The following ACTN1 variants were observed in gnomAD, a reference collection of about 807,000 sequenced individuals.
The protein encoded by ACTN1 is actinin alpha 1.
In ACTN1, 30 loss-of-function variants were observed where a neutral mutation model predicts 119.6. The ratio of observed to expected loss-of-function variants is 0.25; its 90% CI spans 0.19 to 0.34. The LOEUF is 0.34. ACTN1 is among the 10% of genes least tolerant of loss of function. ACTN1 has a pLI of 1.00. For missense variants in ACTN1, 764 were observed against 1,223.4 expected (o/e 0.62, Z 5.60); for synonymous variants, 429 against 472.6 (o/e 0.91, Z 1.20).
At chr14:68,883,330 G>C in intron 14 of ACTN1, 1 of 405,226 alleles carries the variant, frequency 2.5e-6, no homozygotes, top group Non-Finnish European at 4.5e-6. Context: ...GGCTGCTCCA[G>C]AGGCTCACTA....
rs910237386 is a variant in ACTN1, at chr14:68,884,980, T to C, written c.1386-97A>G. 5 of 1,041,640 alleles carry C rather than the reference T, an allele frequency of 4.8e-6. No individual in the cohort carries two copies. The African/African-American group carries it at 6.3e-5, about 13-fold the overall frequency. 64.5% of individuals were successfully genotyped at this position (1,041,640 alleles called of 1,614,324 possible). On this transcript the variant is annotated intron_variant, in intron 12 of 21. Coordinates refer to ENST00000394419, the MANE Select transcript of ACTN1 (RefSeq NM_001130004.2). ...CTGTCAGTGGGGTGGCTGGTGGTGCTGGGAAGAGCCAGGGGCGCTCCCTTC... is the reference window on the plus strand; with the variant it reads ...CTGTCAGTGGGGTGGCTGGTGGTGCCGGGAAGAGCCAGGGGCGCTCCCTTC...
At chr14:68,944,902 G>A (rs559498419) in intron 1 of ACTN1, among the ~76,000 whole-genome samples, 2 of 147,214 alleles carry the variant, frequency 1.4e-5, no homozygotes, top group African/African-American at 4.9e-5. Context: ...GCGTGTGTGG[G>A]TCAGGTAGCT....
At chr14:68,893,405 G>A (rs1442987930) in intron 9 of ACTN1, among the ~76,000 whole-genome samples, 1 of 152,080 alleles carries the variant, frequency 6.6e-6, no homozygotes, top group Non-Finnish European at 1.5e-5. Context: ...CTTGACAAGT[G>A]AAAAAAACAA....
intron 1 of ACTN1, among the ~76,000 whole-genome samples, chr14:68,954,300 CT>C (rs2036275122): frequency 3.3e-5 from 5 of 151,834 alleles, no homozygotes; most frequent in South Asian, 4.1e-4. Flanking sequence ...CCCAGTTTTG[CT>C]GTTACACACA....
At chr14:68,934,379 G>A (rs1669009727) in intron 1 of ACTN1, among the ~76,000 whole-genome samples, 1 of 152,262 alleles carries the variant, frequency 6.6e-6, no homozygotes, top group Non-Finnish European at 1.5e-5. Flanking sequence ...AGGGCCTGTG[G>A]TTAGACATGT....
chr14:68,902,718 G>A (rs558239212), intron 7 of ACTN1, among the ~76,000 whole-genome samples, 156 bp from the exon 8 acceptor site: 103 of 152,296 alleles, frequency 6.8e-4, no homozygotes, highest in South Asian at 1.7e-3. Flanking sequence ...GCGCTTATGG[G>A]AATGTAAGTA....
At chr14:68,940,298 A>G (rs970613922) in intron 1 of ACTN1, among the ~76,000 whole-genome samples, 12 of 152,072 alleles carry the variant, frequency 7.9e-5, no homozygotes, top group African/African-American at 2.9e-4. Flanking sequence ...GGGTCACTCA[A>G]TTCCATAGAG....
intron 8 of ACTN1, among the ~76,000 whole-genome samples, chr14:68,899,959 C>T (rs1051233718): frequency 3.5e-4 from 53 of 152,158 alleles, no homozygotes; most frequent in African/African-American, 1.2e-3. Flanking sequence ...GGCACAGGAA[C>T]AGCAGCAGGA....
At chr14:68,881,955 T>TTTTTTTTTTTTTTTTTTC (rs58500225) in intron 16 of ACTN1, among the ~76,000 whole-genome samples, 1 of 103,002 alleles carries the variant, frequency 9.7e-6, no homozygotes, top group Non-Finnish European at 1.8e-5. Flanking sequence ...TTTTTTTTTT[T>TTTTTTTTTTTTTTTTTTC]GACAGAGTCT....
chr14:68,892,395 T>A, intron 9 of ACTN1, 112 bp from the exon 10 acceptor site: 1 of 1,088,208 alleles, frequency 9.2e-7, no homozygotes, highest in Non-Finnish European at 1.3e-6. Context: ...GGGTCTCTCC[T>A]AATAGCACAC....
Position 68,879,866 on chromosome 14 carries a change from A to T in ACTN1, c.2280+96T>A. 1 of 1,516,998 alleles carries T rather than the reference A, an allele frequency of 6.6e-7. No homozygotes were observed. The highest frequency in any genetic ancestry group is 8.9e-7 in the Non-Finnish European group (1 of 1,120,782). 94.0% of individuals were successfully genotyped at this position (1,516,998 alleles called of 1,614,324 possible). A position where few individuals can be genotyped will look rare whatever the true frequency, so the allele number is the denominator to read the frequency against. On this transcript the variant is annotated intron_variant, in intron 18 of 21. Coordinates refer to ENST00000394419, the MANE Select transcript of ACTN1 (RefSeq NM_001130004.2). This position sits in a 1 kb window ranked among gnomAD's most constrained non-coding sequence, Gnocchi z 4.9. ...CAGTTTCCCCTTTCTCTCCCTCCTC[A>T]CTTGCATGGCAGCCCACGTCCCGGG... is the stretch of plus-strand genomic sequence containing the variant.
chr14:68,949,201 G>C (rs146370567), intron 1 of ACTN1, among the ~76,000 whole-genome samples: 3 of 152,210 alleles, frequency 2.0e-5, no homozygotes, highest in Non-Finnish European at 2.9e-5. Context: ...AGGCAGGGGT[G>C]GGGGAGGTCA....
intron 1 of ACTN1, chr14:68,974,355 G>C (rs1042175683): frequency 9.8e-5 from 15 of 152,652 alleles, no homozygotes; most frequent in African/African-American, 3.6e-4. Context: ...GCTGGGGCAG[G>C]AGGATCACTT....
chr14:68,935,515 T>G (rs2035457183), intron 1 of ACTN1, among the ~76,000 whole-genome samples: 1 of 151,218 alleles, frequency 6.6e-6, no homozygotes, highest in Admixed American at 6.6e-5. Flanking sequence ...CCTCCTGAGT[T>G]GCTGGGACTA....
intron 1 of ACTN1, among the ~76,000 whole-genome samples, chr14:68,930,179 C>T (rs2035158127): frequency 6.6e-6 from 1 of 152,186 alleles, no homozygotes; most frequent in Non-Finnish European, 1.5e-5. Flanking sequence ...GTTTCTTTAG[C>T]CACAACAGGC....
Position 68,900,214 on chromosome 14 carries a change from C to A in ACTN1, c.762+2263G>T, listed in dbSNP as rs540209290. On this transcript the variant is annotated intron_variant, in intron 8 of 21. Coordinates refer to ENST00000394419, the MANE Select transcript of ACTN1 (RefSeq NM_001130004.2). ...TCATTTTTTACCTCTTCCCCAAGGG[C>A]ACTTCTACTGGGAAAATGTCCTACT... 2.0e-5 allele frequency among the ~76,000 whole-genome samples: 3 copies of A among 152,228 alleles called. No homozygotes were observed. The East Asian group carries it at 5.8e-4, about 29-fold the overall frequency.
chr14:68,910,118 C>T, intron 4 of ACTN1, 76 bp from the exon 5 acceptor site: 3 of 1,219,196 alleles, frequency 2.5e-6, no homozygotes, highest in East Asian at 2.4e-5. Flanking sequence ...ACAGGAGGCC[C>T]CACTGTGACC....
Position 68,879,808 on chromosome 14 carries a change from T to TGCAGGGTGCATTGAGTCAGG in ACTN1, c.2280+134_2280+153dup. The TGCAGGGTGCATTGAGTCAGG allele has an allele frequency of 9.3e-7, 1 of 1,079,396 alleles. No homozygotes were observed. The highest frequency in any genetic ancestry group is 1.7e-5 in the South Asian group (1 of 60,324). The allele number at this position is 1,079,396 out of a possible 1,614,324, so 66.9% of individuals were successfully genotyped here. On this transcript the variant is annotated intron_variant, in intron 18 of 21. Coordinates refer to ENST00000394419, the MANE Select transcript of ACTN1 (RefSeq NM_001130004.2). The surrounding 1 kb of genome is among the most constrained non-coding windows in gnomAD (Gnocchi z 4.9). The stretch of plus-strand genomic sequence containing the variant: ...AACACAGGTTTTCCAAGGCTGGTTT[T>TGCAGGGTGCATTGAGTCAGG]GCAGGGTGCATTGAGTCAGGGCAGG...
rs2031930786 is a variant in ACTN1 at position 68,885,581 on chromosome 14, T to A, written c.1235-6A>T. On this transcript the variant is annotated splice_region_variant and splice_polypyrimidine_tract_variant and intron_variant, in intron 11 of 21. Coordinates refer to ENST00000394419, the MANE Select transcript of ACTN1 (RefSeq NM_001130004.2). This position sits in a 1 kb window ranked among gnomAD's most constrained non-coding sequence, Gnocchi z 5.6. ...TCGCAGCATGGCCTCTTTGCCTGGG[T>A]TGAGAGAGGGCCACATGGCTGAGCT... 6.2e-7 allele frequency: 1 copy of A among 1,611,792 alleles called. No individual in the cohort carries two copies. Among genetic ancestry groups the A allele is most frequent in the Non-Finnish European group, 8.5e-7 (1 of 1,179,858 alleles).
Sources: allele counts gnomAD v4.1 joint callset (sites outside exome capture counted in the v4.1 genomes callset), GRCh38; gene constraint gnomAD v4.1.1; non-coding constraint Gnocchi (gnomAD v3.1); transcripts MANE v1.5; gene names NCBI Gene and HGNC (gene_info 2026-07-23, HGNC 2026-07-21).